Variants in HTR4 observed in about 807,000 individuals in gnomAD.
The protein encoded by HTR4 is 5-hydroxytryptamine (serotonin) receptor 4, G protein-coupled.
HTR4 carries 16 observed loss-of-function variants against 36.8 expected under a neutral mutation model. That is an observed-to-expected ratio of 0.43 (90% CI 0.29 to 0.66). The LOEUF is 0.66. HTR4 is among the 30% of genes least tolerant of loss of function. HTR4 has a pLI of 0.13. For missense variants in HTR4, 438 were observed against 490.9 expected, an observed-to-expected ratio of 0.89 and a Z score of 1.02; for synonymous variants, 189 against 185.1, an observed-to-expected ratio of 1.02 and a Z score of -0.17.
intron 2 of HTR4, among the ~76,000 whole-genome samples, chr5:148,582,722 T>G (rs928003246): frequency 1.3e-5 from 2 of 152,178 alleles, no homozygotes; most frequent in Admixed American, 6.5e-5. Flanking sequence ...AGTTCACTCA[T>G]GATTTGGCTC....
intron 5 of HTR4, among the ~76,000 whole-genome samples, chr5:148,517,202 G>C (rs552253803): frequency 3.3e-5 from 5 of 152,174 alleles, no homozygotes; most frequent in African/African-American, 1.2e-4. Flanking sequence ...TTGCTTCCAA[G>C]ACAATTTTCT....
chr5:148,543,017 A>T (rs1333752650), intron 4 of HTR4, among the ~76,000 whole-genome samples: 3 of 152,228 alleles, frequency 2.0e-5, no homozygotes, highest in Non-Finnish European at 2.9e-5. Context: ...CACCACAGTG[A>T]CTGGTTAAGT....
intron 2 of HTR4, among the ~76,000 whole-genome samples, chr5:148,554,321 C>T (rs1301412241): frequency 2.0e-5 from 3 of 152,084 alleles, no homozygotes; most frequent in Non-Finnish European, 2.9e-5. Flanking sequence ...GTGATCCGCC[C>T]GCCTCGGCCT....
chr5:148,540,991 T>C (rs1759092652), intron 4 of HTR4, among the ~76,000 whole-genome samples: 1 of 152,212 alleles, frequency 6.6e-6, no homozygotes, highest in Non-Finnish European at 1.5e-5. Flanking sequence ...TAACATTAAT[T>C]GAACACTTAC....
intron 2 of HTR4, among the ~76,000 whole-genome samples, chr5:148,579,288 G>GT (rs1439670547): frequency 6.6e-6 from 1 of 152,010 alleles, no homozygotes; most frequent in African/African-American, 2.4e-5. Context: ...TTTTCTCATA[G>GT]TTCTCAGAGT....
intron 6 of HTR4, among the ~76,000 whole-genome samples, chr5:148,508,374 G>T (rs767579791): frequency 6.6e-6 from 1 of 152,098 alleles, no homozygotes; most frequent in Non-Finnish European, 1.5e-5. Flanking sequence ...TCTAGCCCAG[G>T]GTGACCAGAA....
intron 6 of HTR4, among the ~76,000 whole-genome samples, chr5:148,486,737 A>G (rs949432024): frequency 1.3e-5 from 2 of 152,144 alleles, no homozygotes; most frequent in African/African-American, 4.8e-5. Context: ...TTTATATTCC[A>G]TGTGGAGGGA....
rs1431514884 is a variant in HTR4 at position 148,509,689 on chromosome 5, C to T, written c.843G>A (p.Val281=). ...GGACAGTGTAGTCTATGAAAGGATCCACAATATTGGTGACAAAGAATGGTG... is the reference window on the plus strand; with the variant it reads ...GGACAGTGTAGTCTATGAAAGGATCTACAATATTGGTGACAAAGAATGGTG... ...CWAPFFVTNI[V]DPFIDYTVPG... is the part of the protein sequence containing the mutation. Residue 281 remains valine (V), a synonymous_variant, in exon 6 of 7, where the codon GTG becomes GTA. Coordinates refer to ENST00000377888, the MANE Select transcript of HTR4 (RefSeq NM_000870.7). 6.2e-7 allele frequency: 1 copy of T among 1,614,048 alleles called. No homozygotes were observed. The highest frequency in any genetic ancestry group is 2.2e-5 in the East Asian group (1 of 44,852).
chr5:148,611,776 G>T (rs887706289), intron 2 of HTR4, among the ~76,000 whole-genome samples: 1 of 151,516 alleles, frequency 6.6e-6, no homozygotes, highest in Non-Finnish European at 1.5e-5. Context: ...CTGTATTCAG[G>T]AAACCCATCT....
At chr5:148,501,882 AC>A (rs1051582152) in intron 6 of HTR4, among the ~76,000 whole-genome samples, 20 of 151,958 alleles carry the variant, frequency 1.3e-4, no homozygotes, top group Non-Finnish European at 2.9e-4. Flanking sequence ...ACATGGTGAA[AC>A]CCTGTCTCTA....
intron 2 of HTR4, among the ~76,000 whole-genome samples, chr5:148,600,255 C>G (rs2127267662): frequency 6.8e-6 from 1 of 147,668 alleles, no homozygotes; most frequent in East Asian, 2.0e-4. Flanking sequence ...ATGAATATAT[C>G]TTCATATATA....
At chr5:148,578,213 T>C (rs1247312930) in intron 2 of HTR4, among the ~76,000 whole-genome samples, 1 of 152,044 alleles carries the variant, frequency 6.6e-6, no homozygotes, top group Non-Finnish European at 1.5e-5. Context: ...ACTGTATTTG[T>C]CGTGCTTTGT....
At chr5:148,641,622 T>C (rs892502197) in intron 1 of HTR4, among the ~76,000 whole-genome samples, 9 of 152,212 alleles carry the variant, frequency 5.9e-5, no homozygotes, top group Non-Finnish European at 1.2e-4. Flanking sequence ...TATAGCTCTA[T>C]CAGATTCCCT....
At chr5:148,510,174 A>G in intron 5 of HTR4, 150 bp from the exon 6 acceptor site, 4 of 600,954 alleles carry the variant, frequency 6.7e-6, no homozygotes, top group South Asian at 6.6e-5. Context: ...GAAGGGGAAG[A>G]GAACAAGGAA....
chr5:148,563,365 C>T (rs1395488459), intron 2 of HTR4, among the ~76,000 whole-genome samples: 1 of 152,192 alleles, frequency 6.6e-6, no homozygotes, highest in Non-Finnish European at 1.5e-5. Context: ...GCAGAGAGGA[C>T]TTATTTAAAA....
chr5:148,651,207 A>G (rs1175858252), intron 1 of HTR4, among the ~76,000 whole-genome samples: 2 of 152,192 alleles, frequency 1.3e-5, no homozygotes. Context: ...TGGGCTATTA[A>G]GATTATTATT....
chr5:148,464,215 C>T (rs997571794), intron 5 of HTR4, among the ~76,000 whole-genome samples: 1 of 151,758 alleles, frequency 6.6e-6, no homozygotes, highest in Admixed American at 6.6e-5. Context: ...ACCAAACGTA[C>T]AATTCATGAA....
chr5:148,621,799 C>A (rs945643874), intron 2 of HTR4, among the ~76,000 whole-genome samples: 3 of 152,092 alleles, frequency 2.0e-5, no homozygotes, highest in South Asian at 4.2e-4. Flanking sequence ...TTTCATTTAT[C>A]CTTTTCAAAA....
downstream of HTR4, among the ~76,000 whole-genome samples, chr5:148,480,932 T>C (rs1387641687): frequency 6.6e-6 from 1 of 152,218 alleles, no homozygotes; most frequent in Non-Finnish European, 1.5e-5. Flanking sequence ...AAAATTATCT[T>C]ATATCTCCAC....
Sources: gnomAD v4.1 joint callset for allele counts (sites outside exome capture counted in the v4.1 genomes callset) on GRCh38, gnomAD v4.1.1 for gene constraint, MANE v1.5 for transcripts, NCBI Gene and HGNC (gene_info 2026-07-23, HGNC 2026-07-21) for gene names.